The following PARVG variants were observed in gnomAD, a reference collection of about 807,000 sequenced individuals.
PARVG encodes the protein gamma-parvin.
PARVG carries 36 observed loss-of-function variants against 44.4 expected under a neutral mutation model. That is an observed-to-expected ratio of 0.81 (90% confidence interval 0.62 to 1.07). The LOEUF (loss-of-function observed/expected upper bound fraction) is 1.07. PARVG is among the 50% of genes least tolerant of loss of function. The pLI, the probability that PARVG is intolerant of heterozygous loss-of-function variation, is 0.00. For missense variants in PARVG, 407 were observed against 407.4 expected, an observed-to-expected ratio of 1.00 and a Z score of 0.01; for synonymous variants, 170 against 174.1, an observed-to-expected ratio of 0.98 and a Z score of 0.19.
Position 44,189,124 on chromosome 22 carries a change from G to T in PARVG, c.258G>T (p.Ala86=). The change falls in exon 6 of 14, where the codon GCG becomes GCT. Residue 86 remains alanine, a synonymous_variant. Transcript: ENST00000444313. ...LILHHLFQRL[A]ALKLEAEDIA... ...CTCTCCTGCCTCCAGAGAGGCTGGC[G>T]GCGCTCAAGCTGGAAGCAGAGGACA... 6.2e-7 allele frequency: 1 copy of T among 1,613,776 alleles called. No homozygotes were observed. The highest frequency in any genetic ancestry group is 8.5e-7 in the Non-Finnish European group (1 of 1,180,010).
rs1261765055 is a variant in PARVG, at chr22:44,208,046, C to T, written c.*1620C>T. The stretch of plus-strand genomic sequence containing the variant: ...GAGCTTCTGGGGACACAGGCTCAGC[C>T]TCTCTCAGCTGGCTTCATCCCAAAA... On this transcript the variant is annotated 3_prime_UTR_variant, in exon 14 of 14. Transcript: ENST00000444313. The T allele has an allele frequency of 1.3e-5, 2 of 152,292 alleles. No individual in the cohort carries two copies. The highest frequency in any genetic ancestry group is 1.3e-4 in the Admixed American group (2 of 15,288). 9.4% of individuals were successfully genotyped at this position (152,292 alleles called of 1,614,324 possible). A position where few individuals can be genotyped will look rare whatever the true frequency, so the allele number is the denominator to read the frequency against.
At chr22:44,185,286 G>A (rs537183792) in intron 3 of PARVG, 3 of 155,242 alleles carry the variant, frequency 1.9e-5, no homozygotes, top group African/African-American at 7.2e-5. Flanking sequence ...TGATCTCAGA[G>A]GTCCTTCTTG....
intron 9 of PARVG, among the ~76,000 whole-genome samples, chr22:44,194,787 A>G (rs1388322426): frequency 6.7e-6 from 1 of 148,594 alleles, no homozygotes; most frequent in Non-Finnish European, 1.5e-5. Context: ...TCCATCATCT[A>G]TCCATCCATC....
intron 12 of PARVG, among the ~76,000 whole-genome samples, chr22:44,201,833 A>T (rs1290820159): frequency 6.6e-6 from 1 of 152,196 alleles, no homozygotes; most frequent in Non-Finnish European, 1.5e-5. Flanking sequence ...ACAGCCTGCC[A>T]TGTTCCTTCT....
upstream of PARVG, among the ~76,000 whole-genome samples, chr22:44,176,508 A>G (rs1645090016): frequency 6.6e-6 from 1 of 152,216 alleles, no homozygotes; most frequent in East Asian, 1.9e-4. Context: ...ACATGTCAAA[A>G]GGACAGAGGC....
At chr22:44,173,284 G>T in intron 1 of PARVG, 1 of 1,069,146 alleles carries the variant, frequency 9.4e-7, no homozygotes, top group Non-Finnish European at 1.2e-6. Flanking sequence ...ATGACACATG[G>T]AGGTGGTCTC....
chr22:44,203,051 T>C lies in PARVG; in HGVS notation c.814-2706T>C, dbSNP rs117230280. Among the ~76,000 whole-genome samples the C allele has an allele frequency of 4.9e-4, 74 of 152,338 alleles. No homozygotes were observed. In the East Asian group the frequency reaches 9.4e-3, roughly 19 times the overall value. ...AATCTCTGGACAGAGCATCATGAGA[T>C]AGCTCTGGAGCCAGGGTCAGCTCTT... On this transcript the variant is annotated intron_variant, in intron 12 of 13. Coordinates refer to ENST00000444313, the MANE Select transcript of PARVG (RefSeq NM_022141.7).
intron 5 of PARVG, 36 bp downstream of exon 5, chr22:44,187,914 C>T (rs1404341611): frequency 1.2e-6 from 2 of 1,608,040 alleles, no homozygotes; most frequent in Non-Finnish European, 1.7e-6. Context: ...TGGGCCTCGG[C>T]CCCATCCCCC....
chr22:44,196,133 T>C (rs2054613832), intron 9 of PARVG, 22 bp from the exon 10 acceptor site: 2 of 1,613,704 alleles, frequency 1.2e-6, no homozygotes, highest in Non-Finnish European at 1.7e-6. Flanking sequence ...TAATGAGGTG[T>C]TTATTGGATC....
intron 12 of PARVG, among the ~76,000 whole-genome samples, chr22:44,203,386 C>G (rs1601749632): frequency 6.6e-6 from 1 of 152,130 alleles, no homozygotes; most frequent in Non-Finnish European, 1.5e-5. Flanking sequence ...TGCGGCCCAC[C>G]AACACATTCA....
intron 1 of PARVG, among the ~76,000 whole-genome samples, chr22:44,174,872 A>G (rs2054304171): frequency 6.6e-6 from 1 of 152,212 alleles, no homozygotes; most frequent in South Asian, 2.1e-4. Flanking sequence ...CTGTCATCCC[A>G]GCACTTTGGG....
intron 4 of PARVG, chr22:44,186,459 CCTCCAGGGAGGCCT>C: frequency 2.3e-6 from 1 of 430,918 alleles, no homozygotes. Context: ...TCTGTTGCCT[CCTCCAGGGAGGCCT>C]CCTGGCCTAC....
rs891095691 is a variant in PARVG, at chr22:44,181,556, G to A, written c.-188-186G>A. 17 of 571,326 alleles carry A rather than the reference G, an allele frequency of 3.0e-5. No individual in the cohort carries two copies. In the African/African-American group the frequency reaches 3.2e-4, roughly 11 times the overall value. 35.4% of individuals were successfully genotyped at this position (571,326 alleles called of 1,614,324 possible). The stretch of plus-strand genomic sequence containing the variant: ...GCCATTTTGGAGGTGAACAGCCTGC[G>A]GGGAAACTGGCATGGTTTGGGGAAG... On this transcript the variant is annotated intron_variant, in intron 1 of 13. Transcript: ENST00000444313.
At chr22:44,200,644 G>A (rs1324816611) in intron 12 of PARVG, among the ~76,000 whole-genome samples, 1 of 152,186 alleles carries the variant, frequency 6.6e-6, no homozygotes, top group Non-Finnish European at 1.5e-5. Context: ...TTATCTCTCT[G>A]CAGCAGTAGC....
upstream of PARVG, among the ~76,000 whole-genome samples, chr22:44,179,912 A>G (rs1166129437): frequency 6.6e-6 from 1 of 152,192 alleles, no homozygotes; most frequent in East Asian, 1.9e-4. This position sits in a 1 kb window ranked among gnomAD's most constrained non-coding sequence, Gnocchi z 4.2. Context: ...TGGCTCCTGA[A>G]GGAAGCTGCC....
rs1213077852 is a variant in PARVG at position 44,190,549 on chromosome 22, A to G, written c.389-2A>G. The G allele has an allele frequency of 6.2e-7, 1 of 1,612,996 alleles. No individual in the cohort carries two copies. Among genetic ancestry groups the G allele is most frequent in the Non-Finnish European group, 8.5e-7 (1 of 1,179,004 alleles). On this transcript the variant is annotated splice_acceptor_variant, in intron 6 of 13. Coordinates refer to ENST00000444313, the MANE Select transcript of PARVG (RefSeq NM_022141.7). LOFTEE classifies it high-confidence loss of function. ...TCTGACCTGTCTCCACTCTCTTCCC[A>G]GGCATCTTCAACAAGGACCTGTTGT...
In PARVG at chr22:44,181,301, C is replaced by T. The variant is rs955579976; in HGVS notation, c.-189+116C>T. The T allele has an allele frequency of 5.2e-5, 51 of 982,776 alleles. 1 individual carries two copies. The highest frequency in any genetic ancestry group is 9.4e-5 in the South Asian group (2 of 21,224). 60.9% of individuals were successfully genotyped at this position (982,776 alleles called of 1,614,324 possible). A position where few individuals can be genotyped will look rare whatever the true frequency, so the allele number is the denominator to read the frequency against. On this transcript the variant is annotated intron_variant, in intron 1 of 13. Transcript: ENST00000444313. ...GGGGTCAGGAAGTGACTCACTCCTCCGAGGGCTTGTGGGAGCCTCAGCTCA... is the reference window on the plus strand; with the variant it reads ...GGGGTCAGGAAGTGACTCACTCCTCTGAGGGCTTGTGGGAGCCTCAGCTCA...
rs149752219 is a variant in PARVG, at chr22:44,192,767, G to T, written c.560+663G>T. 2.6e-5 allele frequency among the ~76,000 whole-genome samples: 4 copies of T among 151,838 alleles called. No individual in the cohort carries two copies. The East Asian group carries it at 7.8e-4, about 29-fold the overall frequency. ...GCCATCCTGCTCCCTGCCCACTGGG[G>T]CTGGCCATACTGTTCCCCACCCACT... On this transcript the variant is annotated intron_variant, in intron 8 of 13. Transcript: ENST00000444313.
intron 9 of PARVG, 52 bp downstream of exon 9, chr22:44,193,875 T>C: frequency 1.9e-6 from 3 of 1,600,762 alleles, no homozygotes; most frequent in Non-Finnish European, 2.6e-6. Context: ...TGCGTGTTAA[T>C]GCAGACAAGT....
Sources: gnomAD v4.1 joint callset for allele counts (sites outside exome capture counted in the v4.1 genomes callset) on GRCh38, gnomAD v4.1.1 for gene constraint, Gnocchi (gnomAD v3.1) non-coding constraint, MANE v1.5 for transcripts, NCBI Gene and HGNC (gene_info 2026-07-23, HGNC 2026-07-21) for gene names.